P2RX2: variants seen among roughly 807,000 people sequenced by gnomAD.
The protein encoded by P2RX2 is P2X purinoceptor 2.
In P2RX2, 50 loss-of-function variants were observed where a neutral mutation model predicts 54.8. That is an observed-to-expected ratio of 0.91 (90% CI 0.73 to 1.15). The LOEUF is 1.15. Among genes scored for constraint, P2RX2 ranks in the 50% most tolerant of loss-of-function variants. The pLI is 0.00. For missense variants in P2RX2, 658 were observed against 633.2 expected, an observed-to-expected ratio of 1.04 and a Z score of -0.42; for synonymous variants, 289 against 259.4, an observed-to-expected ratio of 1.11 and a Z score of -1.09.
Position 132,621,689 on chromosome 12 carries a change from T to G in P2RX2, c.1133T>G (p.Phe378Cys). 1 of 1,613,728 alleles carries G rather than the reference T, an allele frequency of 6.2e-7. No homozygotes were observed. The highest frequency in any genetic ancestry group is 1.7e-5 in the Admixed American group (1 of 59,952). The change falls in exon 11 of 11, where the codon TTT becomes TGT. Residue 378 changes from phenylalanine (F) to cysteine (C), a missense_variant. Physicochemically the swap from Phe to Cys is radical, Grantham distance 205. Transcript: ENST00000643471. ...NKNKVYSHKK[F>C]DKVCTPSHPS... Reference sequence around the variant, plus strand: ...AACAAGGTCTACAGCCATAAGAAATTTGACAAGGTGTGTACGCCGAGCCAC... The same window carrying G: ...AACAAGGTCTACAGCCATAAGAAATGTGACAAGGTGTGTACGCCGAGCCAC...
chr12:132,620,514 C>G lies in P2RX2; in HGVS notation c.705C>G (p.Tyr235Ter). ...CGTTCCACGAGGCCTCCGACCTCTA[C>G]TGCCCCATCTTCAAGCTGGGCTTTA... ...RCTFHEASDLYCPIFKLGFIV... is the reference protein window; with the variant it reads ...RCTFHEASDL Residue 235 changes from tyrosine to a stop codon, truncating the protein, a stop_gained, in exon 7 of 11, where the codon TAC (tyrosine) becomes TAG (stop). Transcript: ENST00000643471. LOFTEE classifies it high-confidence loss of function. 6.2e-7 allele frequency: 1 copy of G among 1,614,024 alleles called. No homozygotes were observed. The highest frequency in any genetic ancestry group is 1.1e-5 in the South Asian group (1 of 91,090).
chr12:132,619,871 C>G lies in P2RX2; in HGVS notation c.409C>G (p.Leu137Val), dbSNP rs1566292794. The G allele has an allele frequency of 6.2e-7, 1 of 1,612,080 alleles. No individual in the cohort carries two copies. The highest frequency in any genetic ancestry group is 1.7e-5 in the Admixed American group (1 of 59,988). Reference protein sequence around the residue: ...ESIRVHNATCLSDADCVAGEL... With the variant: ...ESIRVHNATCVSDADCVAGEL... ...CATAAGGGTCCACAACGCCACCTGC[C>G]TCTCCGACGCCGACTGCGTGGCTGG... The change falls in exon 4 of 11, where the codon CTC becomes GTC. Residue 137 changes from leucine (L) to valine (V), a missense_variant. Coordinates refer to ENST00000643471, the MANE Select transcript of P2RX2 (RefSeq NM_170682.4).
At chr12:132,620,713 C>T (rs1406405869) in intron 7 of P2RX2, 130 bp downstream of exon 7, 8 of 1,119,804 alleles carry the variant, frequency 7.1e-6, no homozygotes, top group South Asian at 3.0e-5. Flanking sequence ...AAAAGAAATG[C>T]GATCAGCGCA....
chr12:132,621,012 C>T lies in P2RX2; in HGVS notation c.786C>T (p.Ile262=), dbSNP rs771154163. The change falls in exon 8 of 11, where the codon ATC becomes ATT. Residue 262 remains isoleucine (I), a synonymous_variant. Coordinates refer to ENST00000643471, the MANE Select transcript of P2RX2 (RefSeq NM_170682.4). Reference sequence around the variant, plus strand: ...CTCCTTCTTGGCAGGGTGGTGTCATCGGGGTCATTATCAACTGGGACTGTG... The same window carrying T: ...CTCCTTCTTGGCAGGGTGGTGTCATTGGGGTCATTATCAACTGGGACTGTG... ...FTELAHKGGV[I]GVIINWDCDL... 2.1e-5 allele frequency: 34 copies of T among 1,613,896 alleles called. No homozygotes were observed. The highest frequency in any genetic ancestry group is 1.6e-4 in the Middle Eastern group (1 of 6,082).
At position 132,619,674 on chromosome 12, in the gene P2RX2, C is replaced by A; in HGVS notation, c.310-5C>A. 1.9e-6 allele frequency: 3 copies of A among 1,592,606 alleles called. No individual in the cohort carries two copies. The highest frequency in any genetic ancestry group is 2.6e-6 in the Non-Finnish European group (3 of 1,169,520). On this transcript the variant is annotated splice_polypyrimidine_tract_variant and splice_region_variant and intron_variant, in intron 2 of 10. Transcript: ENST00000643471. The stretch of plus-strand genomic sequence containing the variant: ...TGGCCGACCGCCCCCTCTTTCTGAG[C>A]CCAGGGGGGCAGCGTGTTCAGCATC...
Position 132,622,044 on chromosome 12 carries a change from C to G in P2RX2, c.*72C>G. ...GAGAGTCCCCAGCTAGGGACCTGCA[C>G]GTGGACGTGGGCACCTCAGTAGCGG... On this transcript the variant is annotated 3_prime_UTR_variant, in exon 11 of 11. Transcript: ENST00000643471. 1 of 1,598,750 alleles carries G rather than the reference C, an allele frequency of 6.3e-7. No individual in the cohort carries two copies. The highest frequency in any genetic ancestry group is 1.1e-5 in the South Asian group (1 of 88,922).
Position 132,618,966 on chromosome 12 carries a change from GCTCATCCTGCTCTA to G in P2RX2, c.153_166del (p.Ile52ArgfsTer215), listed in dbSNP as rs1302134583. 7.7e-7 allele frequency: 1 copy of G among 1,296,036 alleles called. No homozygotes were observed. Among genetic ancestry groups the G allele is most frequent in the African/African-American group, 1.6e-5 (1 of 64,136 alleles). 80.3% of individuals were successfully genotyped at this position (1,296,036 alleles called of 1,614,324 possible). A position where few individuals can be genotyped will look rare whatever the true frequency, so the allele number is the denominator to read the frequency against. On this transcript the variant is annotated frameshift_variant, in exon 1 of 11. Coordinates refer to ENST00000643471, the MANE Select transcript of P2RX2 (RefSeq NM_170682.4). LOFTEE classifies it high-confidence loss of function. ...GGGTCCTGTACCGCGCCGTGCAGCT[GCTCATCCTGCTCTA>G]CTTCGTGTGGTGCGCGGGGCGCGGG...
chr12:132,619,860 ACGC>A lies in P2RX2; in HGVS notation c.400_402del (p.Ala134del), dbSNP rs752500859. On this transcript the variant is annotated inframe_deletion, in exon 4 of 11. Coordinates refer to ENST00000643471, the MANE Select transcript of P2RX2 (RefSeq NM_170682.4). Reference sequence around the variant, plus strand: ...CCACCCTAGAGCATAAGGGTCCACAACGCCACCTGCCTCTCCGACGCCGACTGC... The same window carrying A: ...CCACCCTAGAGCATAAGGGTCCACAACACCTGCCTCTCCGACGCCGACTGC... 6.6e-7 allele frequency: 1 copy of A among 1,523,282 alleles called. No individual in the cohort carries two copies. The highest frequency in any genetic ancestry group is 1.1e-5 in the South Asian group (1 of 89,706). The allele number at this position is 1,523,282 out of a possible 1,614,324, so 94.4% of individuals were successfully genotyped here. A position where few individuals can be genotyped will look rare whatever the true frequency, so the allele number is the denominator to read the frequency against.
At position 132,618,910 on chromosome 12, in the gene P2RX2, A is replaced by G; in HGVS notation, c.94A>G (p.Lys32Glu). The change falls in exon 1 of 11, where the codon AAG becomes GAG. Residue 32 changes from lysine to glutamate, a missense_variant. Physicochemically the swap from Lys to Glu is moderately conservative, Grantham distance 56 (BLOSUM62 1). Coordinates refer to ENST00000643471, the MANE Select transcript of P2RX2 (RefSeq NM_170682.4). ...CGCCCTCTGGGACTACGAGACGCCCAAGGTGATCGTGGTGAGGAACCGGCG... is the reference window on the plus strand; with the variant it reads ...CGCCCTCTGGGACTACGAGACGCCCGAGGTGATCGTGGTGAGGAACCGGCG... ...WSALWDYETP[K>E]VIVVRNRRLG... 7.4e-7 allele frequency: 1 copy of G among 1,347,248 alleles called. No individual in the cohort carries two copies. Among genetic ancestry groups the G allele is most frequent in the Non-Finnish European group, 9.6e-7 (1 of 1,042,126 alleles). The allele number at this position is 1,347,248 out of a possible 1,614,324, so 83.5% of individuals were successfully genotyped here.
intron 1 of P2RX2, 42 bp downstream of exon 1, chr12:132,619,031 A>T: frequency 3.5e-6 from 3 of 868,238 alleles, no homozygotes; most frequent in Non-Finnish European, 4.2e-6. Flanking sequence ...TGCGGGGCGC[A>T]GGGGAGGGGC....
chr12:132,621,600 C>G lies in P2RX2; in HGVS notation c.1063-19C>G, dbSNP rs373455554. The G allele has an allele frequency of 1.2e-6, 2 of 1,611,716 alleles. No individual in the cohort carries two copies. Among genetic ancestry groups the G allele is most frequent in the Non-Finnish European group, 1.7e-6 (2 of 1,178,840 alleles). ...GGGGGTCCACCAGGCCCTTACACACCGGTCTCTGCTGGCCCCAGGGCTCCT... is the reference window on the plus strand; with the variant it reads ...GGGGGTCCACCAGGCCCTTACACACGGGTCTCTGCTGGCCCCAGGGCTCCT... On this transcript the variant is annotated intron_variant, in intron 10 of 10. Coordinates refer to ENST00000643471, the MANE Select transcript of P2RX2 (RefSeq NM_170682.4).
At position 132,621,829 on chromosome 12, in the gene P2RX2, C is replaced by A. The variant is rs146366658; in HGVS notation, c.1273C>A (p.Gln425Lys). Reference protein sequence around the residue: ...PSPPSGQEGQQGAECGPAFPP... With the variant: ...PSPPSGQEGQKGAECGPAFPP... ...CCCTCCATCAGGCCAGGAGGGCCAA[C>A]AAGGGGCAGAGTGTGGCCCAGCCTT... is the stretch of plus-strand genomic sequence containing the variant. Residue 425 changes from glutamine to lysine, a missense_variant, in exon 11 of 11, where the codon CAA becomes AAA. By Grantham distance (53) the Gln-to-Lys change is moderately conservative. Coordinates refer to ENST00000643471, the MANE Select transcript of P2RX2 (RefSeq NM_170682.4). The A allele has an allele frequency of 1.9e-6, 3 of 1,610,854 alleles. No homozygotes were observed. The African/African-American group carries it at 4.0e-5, about 22-fold the overall frequency.
rs2041583464 is a variant in P2RX2 at position 132,620,020 on chromosome 12, G to A, written c.478G>A (p.Val160Met). 2.5e-6 allele frequency: 4 copies of A among 1,587,080 alleles called. No individual in the cohort carries two copies. The highest frequency in any genetic ancestry group is 1.8e-5 in the Admixed American group (1 of 55,832). ...CCCAGGCCTGAGGACTGGGCGCTGT[G>A]TGCCCTATTACCAGGGGCCCTCCAA... ...LGNGLRTGRC[V>M]PYYQGPSKTC... The change falls in exon 5 of 11, where the codon GTG becomes ATG. Residue 160 changes from valine to methionine, a missense_variant. Val to Met is a conservative substitution (Grantham distance 21, BLOSUM62 1). Transcript: ENST00000643471.
chr12:132,621,777 C>T lies in P2RX2; in HGVS notation c.1221C>T (p.Gly407=). The T allele has an allele frequency of 6.2e-7, 1 of 1,600,152 alleles. No individual in the cohort carries two copies. The change falls in exon 11 of 11, where the codon GGC becomes GGT. Residue 407 remains glycine (G), a synonymous_variant. Coordinates refer to ENST00000643471, the MANE Select transcript of P2RX2 (RefSeq NM_170682.4). ...RVLGQAPPEP[G]HRSEDQHPSP... ...TGGGCCAGGCCCCTCCCGAACCCGG[C>T]CACCGCTCCGAGGACCAGCACCCCA... is the stretch of plus-strand genomic sequence containing the variant.
At position 132,619,659 on chromosome 12, in the gene P2RX2, C is replaced by T. The variant is rs759855554; in HGVS notation, c.310-20C>T. On this transcript the variant is annotated intron_variant, in intron 2 of 10. Coordinates refer to ENST00000643471, the MANE Select transcript of P2RX2 (RefSeq NM_170682.4). ...GCAGCGGCTGCCGCCTGGCCGACCG[C>T]CCCCTCTTTCTGAGCCCAGGGGGGC... is the stretch of plus-strand genomic sequence containing the variant. 3.2e-6 allele frequency: 5 copies of T among 1,585,362 alleles called. No individual in the cohort carries two copies. The highest frequency in any genetic ancestry group is 4.3e-6 in the Non-Finnish European group (5 of 1,166,146).
At position 132,619,766 on chromosome 12, in the gene P2RX2, G is replaced by T; in HGVS notation, c.381+16G>T. The T allele has an allele frequency of 1.9e-6, 3 of 1,610,044 alleles. No individual in the cohort carries two copies. The highest frequency in any genetic ancestry group is 1.7e-6 in the Non-Finnish European group (2 of 1,178,534). ...CTGCCCCGAGGTGAGGGGATCCCGC[G>T]GCGCTGGGGGACCCCGCCTCAGCTA... On this transcript the variant is annotated intron_variant, in intron 3 of 10. Coordinates refer to ENST00000643471, the MANE Select transcript of P2RX2 (RefSeq NM_170682.4).
intron 7 of P2RX2, 114 bp downstream of exon 7, chr12:132,620,697 C>A (rs2041627050): frequency 2.5e-6 from 3 of 1,191,676 alleles, no homozygotes; most frequent in East Asian, 2.5e-5. Flanking sequence ...CCCGCTCAGG[C>A]AGAGGAAAAG....
At chr12:132,619,099 GCGCGGGGC>G (rs2041509655) in intron 1 of P2RX2, 110 bp downstream of exon 1, 1 of 203,876 alleles carries the variant, frequency 4.9e-6, no homozygotes, top group Non-Finnish European at 6.7e-6. Context: ...GGGACCGGGG[GCGCGGGGC>G]AGGGGCTGGG....
In P2RX2 at chr12:132,622,030, G is replaced by T. The variant is rs189421248; in HGVS notation, c.*58G>T. ...GCCTGGTGGGGCCAGAGAGTCCCCA[G>T]CTAGGGACCTGCACGTGGACGTGGG... On this transcript the variant is annotated 3_prime_UTR_variant, in exon 11 of 11. Coordinates refer to ENST00000643471, the MANE Select transcript of P2RX2 (RefSeq NM_170682.4). 549 of 1,607,542 alleles carry T rather than the reference G, an allele frequency of 3.4e-4. 1 individual carries two copies. The highest frequency in any genetic ancestry group is 2.0e-3 in the Middle Eastern group (12 of 6,008).
Sources: allele counts gnomAD v4.1 joint callset, GRCh38; gene constraint gnomAD v4.1.1; transcripts MANE v1.5; gene names NCBI Gene and HGNC (gene_info 2026-07-23, HGNC 2026-07-21).